Variants in CFAP45 observed in about 807,000 individuals in gnomAD.
CFAP45 encodes cilia and flagella associated protein 45.
In CFAP45, 43 loss-of-function variants were observed where a neutral mutation model predicts 75.6. The ratio of observed to expected loss-of-function variants is 0.57; its 90% CI spans 0.45 to 0.73. CFAP45 has a LOEUF of 0.73. Ranked by LOEUF, CFAP45 falls within the 30% of genes least tolerant of loss-of-function variation. The pLI, the probability that CFAP45 is intolerant of heterozygous loss-of-function variation, is 0.00. For missense variants in CFAP45, 689 were observed against 701.5 expected, an observed-to-expected ratio of 0.98 and a Z score of 0.20; for synonymous variants, 223 against 244.6, an observed-to-expected ratio of 0.91 and a Z score of 0.82.
chr1:159,881,029 A>C (rs1263390055), intron 7 of CFAP45, among the ~76,000 whole-genome samples: 2 of 152,186 alleles, frequency 1.3e-5, no homozygotes, highest in Non-Finnish European at 2.9e-5. Flanking sequence ...GGCTTTGCTC[A>C]TGGTGCTTCT....
intron 2 of CFAP45, among the ~76,000 whole-genome samples, chr1:159,892,517 T>C (rs1649852995): frequency 6.6e-6 from 1 of 152,102 alleles, no homozygotes; most frequent in African/African-American, 2.4e-5. Context: ...TACTAGTGTC[T>C]CTCTTTCTCT....
intron 10 of CFAP45, among the ~76,000 whole-genome samples, chr1:159,874,116 C>T (rs1649347699): frequency 6.6e-6 from 1 of 152,136 alleles, no homozygotes; most frequent in Admixed American, 6.5e-5. Flanking sequence ...TCAGAAAACA[C>T]TCAAATGAAA....
At chr1:159,894,342 G>A (rs1649899534) in intron 1 of CFAP45, among the ~76,000 whole-genome samples, 1 of 152,204 alleles carries the variant, frequency 6.6e-6, no homozygotes, top group Non-Finnish European at 1.5e-5. Context: ...GACACGCACA[G>A]TGTCCCCTTT....
intron 8 of CFAP45, 56 bp from the exon 9 acceptor site, chr1:159,877,518 G>T: frequency 8.4e-7 from 1 of 1,189,696 alleles, no homozygotes; most frequent in Non-Finnish European, 1.3e-6. Flanking sequence ...CTTGCAGAGA[G>T]AAACAAAACC....
At chr1:159,879,443 A>G (rs1204677021) in intron 8 of CFAP45, among the ~76,000 whole-genome samples, 1 of 152,248 alleles carries the variant, frequency 6.6e-6, no homozygotes, top group Non-Finnish European at 1.5e-5. Flanking sequence ...ATTTTGAATC[A>G]TCAGTGACCA....
intron 2 of CFAP45, among the ~76,000 whole-genome samples, chr1:159,892,720 C>G (rs1483584803): frequency 3.9e-5 from 6 of 152,160 alleles, no homozygotes; most frequent in Admixed American, 1.3e-4. Flanking sequence ...AAATAAAGAC[C>G]TGCTCGTTTC....
chr1:159,888,623 G>T, intron 3 of CFAP45, 127 bp from the exon 4 acceptor site: 1 of 850,952 alleles, frequency 1.2e-6, no homozygotes. Flanking sequence ...AGAAGAGACG[G>T]CAAGTGTGCC....
At chr1:159,879,350 T>C (rs1227857558) in intron 8 of CFAP45, among the ~76,000 whole-genome samples, 4 of 152,108 alleles carry the variant, frequency 2.6e-5, no homozygotes, top group South Asian at 2.1e-4. Flanking sequence ...CTTGGGAAAA[T>C]AGTGGTTGAG....
At chr1:159,898,074 A>T (rs1649991415) in intron 1 of CFAP45, 2 of 981,438 alleles carry the variant, frequency 2.0e-6, no homozygotes, top group African/African-American at 1.7e-5. Context: ...ACCCATTCTG[A>T]GATCTAGTTC....
intron 10 of CFAP45, among the ~76,000 whole-genome samples, chr1:159,875,486 G>A (rs1181422771): frequency 6.6e-6 from 1 of 152,200 alleles, no homozygotes; most frequent in Admixed American, 6.5e-5. Context: ...CTCTCGTAAG[G>A]ATAGAGGCTC....
At chr1:159,880,963 G>A (rs1394463625) in intron 7 of CFAP45, among the ~76,000 whole-genome samples, 1 of 152,196 alleles carries the variant, frequency 6.6e-6, no homozygotes, top group Admixed American at 6.5e-5. Context: ...GGAAGCAGAA[G>A]CTCTTAAAGT....
chr1:159,876,609 G>A lies in CFAP45; in HGVS notation c.1299C>T (p.His433=), dbSNP rs756117391. Reference sequence around the variant, plus strand: ...CCCGTTGCACCTGAACAGCCAGAGCGTGCTCCTTGAAAGCCACCTGTTCGA... The same window carrying A: ...CCCGTTGCACCTGAACAGCCAGAGCATGCTCCTTGAAAGCCACCTGTTCGA... ...SRLEQVAFKE[H]ALAVQVQRDR... is the part of the protein sequence containing the mutation. The change falls in exon 10 of 12, where the codon CAC becomes CAT. Residue 433 remains histidine, a synonymous_variant. Coordinates refer to ENST00000368099, the MANE Select transcript of CFAP45 (RefSeq NM_012337.3). 4 of 1,614,040 alleles carry A rather than the reference G, an allele frequency of 2.5e-6. No individual in the cohort carries two copies. The highest frequency in any genetic ancestry group is 2.5e-6 in the Non-Finnish European group (3 of 1,180,026).
At chr1:159,872,711 T>C in intron 11 of CFAP45, 148 bp from the exon 12 acceptor site, 9 of 804,862 alleles carry the variant, frequency 1.1e-5, no homozygotes, top group Non-Finnish European at 1.8e-5. Context: ...CACACATTCA[T>C]GCCAAGGCTC....
At chr1:159,873,817 G>A (rs989655347) in intron 10 of CFAP45, among the ~76,000 whole-genome samples, 2 of 65,560 alleles carry the variant, frequency 3.1e-5, no homozygotes, top group Non-Finnish European at 4.2e-5. Context: ...AGCTTATCCT[G>A]AGATTTCTTC....
chr1:159,874,537 TG>T (rs1029879100), intron 10 of CFAP45, among the ~76,000 whole-genome samples: 28 of 152,352 alleles, frequency 1.8e-4, no homozygotes, highest in South Asian at 1.2e-3. Context: ...CTCTTTGCCT[TG>T]CCATTGTTTT....
intron 4 of CFAP45, 45 bp from the exon 5 acceptor site, chr1:159,888,056 T>C (rs201730535): frequency 6.3e-7 from 1 of 1,580,052 alleles, no homozygotes; most frequent in Non-Finnish European, 8.7e-7. Flanking sequence ...TTTCATGCGC[T>C]CTGTGCCCTG....
chr1:159,895,155 T>C (rs1649925386), intron 1 of CFAP45, among the ~76,000 whole-genome samples: 1 of 152,188 alleles, frequency 6.6e-6, no homozygotes, highest in African/African-American at 2.4e-5. Flanking sequence ...CAGCTTCATC[T>C]CAGTCCCAAG....
intron 1 of CFAP45, chr1:159,898,118 C>T: frequency 1.0e-6 from 1 of 985,432 alleles, no homozygotes. Flanking sequence ...CTGGCAAATT[C>T]AGGCTTCAAA....
rs181348306 is a variant in CFAP45 at position 159,872,572 on chromosome 1, G to A, written c.1578-9C>T. ...CGGGAAGGCCAGTGGCTCTGCCGGG[G>A]AAACGCAGGCAGGTATAAGGAAAGG... On this transcript the variant is annotated splice_polypyrimidine_tract_variant and intron_variant, in intron 11 of 11. Transcript: ENST00000368099. The A allele has an allele frequency of 6.2e-7, 1 of 1,612,954 alleles. No individual in the cohort carries two copies. The highest frequency in any genetic ancestry group is 1.7e-5 in the Admixed American group (1 of 60,026).
Sources: gnomAD v4.1 joint callset for allele counts (sites outside exome capture counted in the v4.1 genomes callset) on GRCh38, gnomAD v4.1.1 for gene constraint, MANE v1.5 for transcripts, NCBI Gene and HGNC (gene_info 2026-07-23, HGNC 2026-07-21) for gene names.